The following LYPLAL1 variants were observed in gnomAD, a reference collection of about 807,000 sequenced individuals.
The protein encoded by LYPLAL1 is lysophospholipase like 1.
In LYPLAL1, 23 loss-of-function variants were observed where a neutral mutation model predicts 19.7. The ratio of observed to expected loss-of-function variants is 1.17; its 90% confidence interval spans 0.84 to 1.65. The LOEUF (loss-of-function observed/expected upper bound fraction) is 1.65. Ranked by LOEUF, LYPLAL1 falls within the 40% of genes most tolerant of loss-of-function variation. The pLI is 0.00. For missense variants in LYPLAL1, 355 were observed against 279.4 expected (o/e 1.27, Z -1.93); for synonymous variants, 119 against 96.3 (o/e 1.24, Z -1.38).
the LYPLAL1 span, among the ~76,000 whole-genome samples, chr1:219,444,993 G>T: frequency 2.0e-5 from 3 of 151,576 alleles, no homozygotes; most frequent in Non-Finnish European, 2.9e-5. Context: ...TGTAAAATGG[G>T]AATGTGCTTC....
At chr1:219,265,434 T>G in the LYPLAL1 span, among the ~76,000 whole-genome samples, 1 of 152,218 alleles carries the variant, frequency 6.6e-6, no homozygotes, top group East Asian at 1.9e-4. Flanking sequence ...AATCTATTAT[T>G]TAATGATTGA....
At chr1:219,343,711 C>A in the LYPLAL1 span, among the ~76,000 whole-genome samples, 1 of 152,138 alleles carries the variant, frequency 6.6e-6, no homozygotes, top group Admixed American at 6.5e-5. Flanking sequence ...TGGCTTATTT[C>A]ATTGTGCTTT....
the LYPLAL1 span, among the ~76,000 whole-genome samples, chr1:219,313,035 G>A: frequency 6.6e-6 from 1 of 152,166 alleles, no homozygotes; most frequent in African/African-American, 2.4e-5. Flanking sequence ...GTAGGTTATT[G>A]TGACTATGCC....
At chr1:219,440,472 A>G in the LYPLAL1 span, among the ~76,000 whole-genome samples, 1 of 152,228 alleles carries the variant, frequency 6.6e-6, no homozygotes, top group South Asian at 2.1e-4. Context: ...ATCAAAGACC[A>G]CTGAAAGTGT....
chr1:219,419,294 A>T, the LYPLAL1 span, among the ~76,000 whole-genome samples: 1 of 152,090 alleles, frequency 6.6e-6, no homozygotes, highest in Non-Finnish European at 1.5e-5. Flanking sequence ...TTGGTCCTCA[A>T]CCAATTCTAC....
the LYPLAL1 span, among the ~76,000 whole-genome samples, chr1:219,384,881 C>T: frequency 6.6e-6 from 1 of 152,200 alleles, no homozygotes. Context: ...GATATAATTA[C>T]TGTGATTCTG....
At chr1:219,240,107 G>C in the LYPLAL1 span, among the ~76,000 whole-genome samples, 1 of 152,202 alleles carries the variant, frequency 6.6e-6, no homozygotes, top group Non-Finnish European at 1.5e-5. Flanking sequence ...CACTACAGTT[G>C]TATGTCTGTG....
the LYPLAL1 span, among the ~76,000 whole-genome samples, chr1:219,218,421 G>T: frequency 6.6e-6 from 1 of 151,844 alleles, no homozygotes; most frequent in Admixed American, 6.6e-5. Flanking sequence ...CCACCCTGCA[G>T]CCCACAGGCC....
chr1:219,343,923 G>A, the LYPLAL1 span, among the ~76,000 whole-genome samples: 31 of 152,026 alleles, frequency 2.0e-4, no homozygotes, highest in Middle Eastern at 0.01. Flanking sequence ...TTTCCTAAAG[G>A]TGGTATCTCC....
intron 3 of LYPLAL1, among the ~76,000 whole-genome samples, chr1:219,197,090 A>C (rs577061735): frequency 6.6e-6 from 1 of 152,232 alleles, no homozygotes; most frequent in Non-Finnish European, 1.5e-5. Flanking sequence ...TGCTATGCCC[A>C]TTAAACTACC....
chr1:219,435,956 T>C, the LYPLAL1 span, among the ~76,000 whole-genome samples: 6 of 152,348 alleles, frequency 3.9e-5, no homozygotes, highest in East Asian at 1.2e-3. Context: ...TGCACCAGAA[T>C]GCAAAATTTT....
At chr1:219,316,410 G>C in the LYPLAL1 span, among the ~76,000 whole-genome samples, 5 of 152,118 alleles carry the variant, frequency 3.3e-5, no homozygotes, top group Non-Finnish European at 7.4e-5. Flanking sequence ...TAGTTTTCTT[G>C]TAGTGTCTTG....
At chr1:219,400,221 A>T in the LYPLAL1 span, among the ~76,000 whole-genome samples, 3 of 151,764 alleles carry the variant, frequency 2.0e-5, no homozygotes, top group African/African-American at 7.3e-5. Flanking sequence ...ATCTGTTAGG[A>T]GTGCACCAGT....
At chr1:219,444,996 T>C in the LYPLAL1 span, among the ~76,000 whole-genome samples, 1 of 151,986 alleles carries the variant, frequency 6.6e-6, no homozygotes, top group Non-Finnish European at 1.5e-5. Flanking sequence ...AAAATGGGAA[T>C]GTGCTTCTTG....
chr1:219,185,279 C>G (rs2125043673), intron 2 of LYPLAL1, among the ~76,000 whole-genome samples: 1 of 151,324 alleles, frequency 6.6e-6, no homozygotes, highest in East Asian at 1.9e-4. Flanking sequence ...TATATTTTCT[C>G]TTTTTTTTCG....
chr1:219,280,300 A>C, the LYPLAL1 span, among the ~76,000 whole-genome samples: 1 of 152,206 alleles, frequency 6.6e-6, no homozygotes, highest in African/African-American at 2.4e-5. Flanking sequence ...TGCCTAAAGA[A>C]GGTATTTTTA....
At chr1:219,421,076 G>A in the LYPLAL1 span, among the ~76,000 whole-genome samples, 6 of 152,240 alleles carry the variant, frequency 3.9e-5, no homozygotes, top group South Asian at 2.1e-4. Flanking sequence ...TAAACAATTT[G>A]CTTGAGATTT....
At chr1:219,326,444 A>G in the LYPLAL1 span, among the ~76,000 whole-genome samples, 1 of 152,110 alleles carries the variant, frequency 6.6e-6, no homozygotes, top group African/African-American at 2.4e-5. Context: ...AGGTGGAAAG[A>G]TGGCTGGGAC....
chr1:219,367,278 A>T, the LYPLAL1 span, among the ~76,000 whole-genome samples: 2 of 152,194 alleles, frequency 1.3e-5, no homozygotes, highest in Admixed American at 1.3e-4. Context: ...AATCCTAAAA[A>T]ACATGGCATT....
Sources: gnomAD v4.1 joint callset for allele counts (sites outside exome capture counted in the v4.1 genomes callset) on GRCh38, gnomAD v4.1.1 for gene constraint, MANE v1.5 for transcripts, NCBI Gene and HGNC (gene_info 2026-07-23, HGNC 2026-07-21) for gene names.